Variants in ARHGEF28 observed in about 807,000 individuals in gnomAD.
ARHGEF28 encodes Rho guanine nucleotide exchange factor 28.
In ARHGEF28, 152 loss-of-function variants were observed where a neutral mutation model predicts 206.6. The observed-to-expected ratio is 0.74, with a 90% CI of 0.64 to 0.84. The LOEUF (loss-of-function observed/expected upper bound fraction) is 0.84. Ranked by LOEUF, ARHGEF28 falls within the 40% of genes least tolerant of loss-of-function variation. The pLI, the probability that ARHGEF28 is intolerant of heterozygous loss-of-function variation, is 0.00. For missense variants in ARHGEF28, 2,028 were observed against 2,073.2 expected (o/e 0.98, Z 0.42); for synonymous variants, 763 against 776.4 (o/e 0.98, Z 0.29).
In ARHGEF28 at chr5:73,865,785, C is replaced by T. The variant is rs115751573; in HGVS notation, c.2104-180C>T. Among the ~76,000 whole-genome samples the T allele has an allele frequency of 1.6e-3, 243 of 152,256 alleles. 1 individual carries two copies. Among genetic ancestry groups the T allele is most frequent in the Admixed American group, 3.6e-3 (55 of 15,296 alleles). ...CAAGGCCCCTTCATTATAACTTGCACATTTTATTGTCACATTTGACTCTTC... is the reference window on the plus strand; with the variant it reads ...CAAGGCCCCTTCATTATAACTTGCATATTTTATTGTCACATTTGACTCTTC... On this transcript the variant is annotated intron_variant, in intron 17 of 35. Transcript: ENST00000513042.
Position 73,733,571 on chromosome 5 carries a change from T to A in ARHGEF28, c.34-16266T>A, listed in dbSNP as rs545128719. On this transcript the variant is annotated intron_variant, in intron 2 of 35. Coordinates refer to ENST00000513042, the MANE Select transcript of ARHGEF28 (RefSeq NM_001177693.2). ...ATATCTAAGACCGATTACACTAAAA[T>A]CTCAGAAATCACCACTAAAGAACTT... 3.8e-4 allele frequency among the ~76,000 whole-genome samples: 58 copies of A among 152,070 alleles called. 1 individual carries two copies. The highest frequency in any genetic ancestry group is 1.1e-3 in the African/African-American group (44 of 41,482).
chr5:73,832,090 T>C (rs1458995203), intron 9 of ARHGEF28, among the ~76,000 whole-genome samples: 1 of 152,200 alleles, frequency 6.6e-6, no homozygotes, highest in Non-Finnish European at 1.5e-5. Flanking sequence ...CCTCTAATGA[T>C]GGGGAAAATA....
intron 4 of ARHGEF28, 70 bp downstream of exon 4, chr5:73,753,272 T>C: frequency 7.0e-7 from 1 of 1,437,138 alleles, no homozygotes; most frequent in Non-Finnish European, 9.2e-7. Context: ...TATGCTATAC[T>C]GTGTGTTCCC....
chr5:73,662,745 G>T (rs759719194), intron 1 of ARHGEF28, among the ~76,000 whole-genome samples: 1 of 152,126 alleles, frequency 6.6e-6, no homozygotes, highest in Non-Finnish European at 1.5e-5. Flanking sequence ...TTTTAAGACA[G>T]AAATTTATAT....
At chr5:73,930,675 C>T (rs1490163741) in intron 35 of ARHGEF28, among the ~76,000 whole-genome samples, 1 of 152,238 alleles carries the variant, frequency 6.6e-6, no homozygotes, top group Non-Finnish European at 1.5e-5. Flanking sequence ...TTCCATCCTA[C>T]TGAGACTAAC....
chr5:73,922,360 T>C (rs1036225653), intron 35 of ARHGEF28, among the ~76,000 whole-genome samples: 1 of 152,220 alleles, frequency 6.6e-6, no homozygotes, highest in Non-Finnish European at 1.5e-5. Context: ...AAAGGAGACA[T>C]GTTTCCATCC....
chr5:73,798,669 G>A (rs1310403750), intron 9 of ARHGEF28, among the ~76,000 whole-genome samples: 1 of 152,072 alleles, frequency 6.6e-6, no homozygotes, highest in Non-Finnish European at 1.5e-5. Context: ...GTAGGATGGG[G>A]AAAAATGGCA....
chr5:73,879,812 A>G (rs1301025284), intron 22 of ARHGEF28, among the ~76,000 whole-genome samples: 2 of 152,104 alleles, frequency 1.3e-5, no homozygotes, highest in Admixed American at 1.3e-4. Context: ...GTACCTGGCC[A>G]TGTGAGGTGT....
At position 73,805,453 on chromosome 5, in the gene ARHGEF28, A is replaced by G. The variant is rs553891499; in HGVS notation, c.1024+10062A>G. Among the ~76,000 whole-genome samples the G allele has an allele frequency of 6.6e-5, 10 of 152,320 alleles. No individual in the cohort carries two copies. In the East Asian group the frequency reaches 1.9e-3, roughly 29 times the overall value. On this transcript the variant is annotated intron_variant, in intron 9 of 35. Coordinates refer to ENST00000513042, the MANE Select transcript of ARHGEF28 (RefSeq NM_001177693.2). Reference sequence around the variant, plus strand: ...GAGGTGCAGATCTATTAACTTTGCAAATGAGTGGAGTCTATAAGAATAAAG... The same window carrying G: ...GAGGTGCAGATCTATTAACTTTGCAGATGAGTGGAGTCTATAAGAATAAAG...
At chr5:73,734,561 A>C (rs1332271190) in intron 2 of ARHGEF28, among the ~76,000 whole-genome samples, 1 of 152,210 alleles carries the variant, frequency 6.6e-6, no homozygotes, top group Non-Finnish European at 1.5e-5. Context: ...AGGAGTTAGC[A>C]TATAGCACAG....
Position 73,749,859 on chromosome 5 carries a change from A to T in ARHGEF28, c.56A>T (p.Lys19Met). 6.2e-7 allele frequency: 1 copy of T among 1,614,024 alleles called. No individual in the cohort carries two copies. Among genetic ancestry groups the T allele is most frequent in the South Asian group, 1.1e-5 (1 of 91,078 alleles). Reference protein sequence around the residue: ...PLYGQMMIYAKFDKNVYLPED... With the variant: ...PLYGQMMIYAMFDKNVYLPED... ...CAGGGGCAGATGATGATCTATGCGA[A>T]GTTTGACAAAAATGTGTATCTTCCT... The change falls in exon 3 of 36, where the codon AAG (lysine) becomes ATG (methionine). Residue 19 changes from lysine (K) to methionine (M), a missense_variant. Coordinates refer to ENST00000513042, the MANE Select transcript of ARHGEF28 (RefSeq NM_001177693.2).
chr5:73,758,665 C>T (rs893195654), intron 4 of ARHGEF28, among the ~76,000 whole-genome samples: 1 of 152,102 alleles, frequency 6.6e-6, no homozygotes, highest in Non-Finnish European at 1.5e-5. Flanking sequence ...AAATGATTCT[C>T]CTGCCTCAGC....
chr5:73,787,191 A>T (rs1754214681), intron 7 of ARHGEF28, among the ~76,000 whole-genome samples: 1 of 152,114 alleles, frequency 6.6e-6, no homozygotes, highest in African/African-American at 2.4e-5. Flanking sequence ...GGTGTTGGGG[A>T]CTTAAGACAG....
At chr5:73,907,587 T>C (rs544327981) in intron 33 of ARHGEF28, among the ~76,000 whole-genome samples, 1 of 152,260 alleles carries the variant, frequency 6.6e-6, no homozygotes, top group Admixed American at 6.5e-5. Flanking sequence ...GAAAATAGAG[T>C]TAGAAATGAG....
At chr5:73,677,712 C>T (rs954435718) in intron 1 of ARHGEF28, among the ~76,000 whole-genome samples, 1 of 152,198 alleles carries the variant, frequency 6.6e-6, no homozygotes, top group Non-Finnish European at 1.5e-5. Flanking sequence ...TTTATAAGAG[C>T]TTCCCCCATT....
At chr5:73,850,101 T>C (rs376948374) in intron 13 of ARHGEF28, among the ~76,000 whole-genome samples, 1 of 151,398 alleles carries the variant, frequency 6.6e-6, no homozygotes, top group Admixed American at 6.6e-5. Flanking sequence ...TTTGCATTTT[T>C]ATGCCATGCA....
intron 31 of ARHGEF28, chr5:73,903,201 C>T (rs1176609988): frequency 6.6e-6 from 1 of 152,204 alleles, no homozygotes; most frequent in Non-Finnish European, 1.5e-5. Context: ...AGGACATGAC[C>T]ATGGCTGGCT....
At chr5:73,832,524 T>A in intron 10 of ARHGEF28, 65 bp downstream of exon 10, 1 of 1,567,204 alleles carries the variant, frequency 6.4e-7, no homozygotes, top group Non-Finnish European at 8.7e-7. Context: ...TTGTAAGAAA[T>A]AGATTCAGCA....
intron 30 of ARHGEF28, 85 bp downstream of exon 30, chr5:73,898,178 G>C: frequency 6.7e-7 from 1 of 1,483,010 alleles, no homozygotes. Context: ...GGCAATGACT[G>C]TCTCTGGTTG....
Sources: gnomAD v4.1 joint callset for allele counts (sites outside exome capture counted in the v4.1 genomes callset) on GRCh38, gnomAD v4.1.1 for gene constraint, MANE v1.5 for transcripts, NCBI Gene and HGNC (gene_info 2026-07-23, HGNC 2026-07-21) for gene names.